The following BACH2 variants were observed in gnomAD, a reference collection of about 807,000 sequenced individuals.
BACH2 encodes BACH transcriptional regulator 2.
Under a neutral mutation model 61.8 loss-of-function variants are expected in BACH2, and 5 were observed. The ratio of observed to expected loss-of-function variants is 0.08; its 90% CI spans 0.04 to 0.17. The LOEUF (loss-of-function observed/expected upper bound fraction) is 0.17. Among genes scored for constraint, BACH2 ranks in the 10% least tolerant of loss-of-function variants. The pLI, the probability that BACH2 is intolerant of heterozygous loss-of-function variation, is 1.00. For synonymous variants in BACH2, 446 were observed against 440.1 expected (o/e 1.01, Z -0.17); for missense variants, 824 against 1,091.1 (o/e 0.76, Z 3.45).
chr6:90,214,751 C>CT (rs563651580), intron 3 of BACH2, among the ~76,000 whole-genome samples: 6,712 of 94,238 alleles, frequency 0.071, 1,069 homozygotes, highest in East Asian at 0.23. Context: ...GATTCTGTTC[C>CT]TTTTTTTTTT....
chr6:90,138,136 G>A (rs889390654), intron 4 of BACH2, among the ~76,000 whole-genome samples: 1 of 151,032 alleles, frequency 6.6e-6, no homozygotes, highest in African/African-American at 2.4e-5. Context: ...ATAACCAAAG[G>A]CTCATTCTAG....
At chr6:89,981,752 T>C (rs1305659388) in intron 6 of BACH2, among the ~76,000 whole-genome samples, 1 of 152,180 alleles carries the variant, frequency 6.6e-6, no homozygotes, top group Non-Finnish European at 1.5e-5. Context: ...GCATGAGAAG[T>C]TGACACACAG....
At chr6:90,248,892 C>T (rs1462912300) in intron 3 of BACH2, among the ~76,000 whole-genome samples, 5 of 152,094 alleles carry the variant, frequency 3.3e-5, no homozygotes, top group Admixed American at 6.5e-5. Context: ...GACCATGAAA[C>T]GGTCTTTTAT....
chr6:90,251,502 TTA>T (rs1770809868), intron 3 of BACH2, among the ~76,000 whole-genome samples: 1 of 98,628 alleles, frequency 1.0e-5, no homozygotes, highest in Non-Finnish European at 3.0e-5. Context: ...CTGAAAACCA[TTA>T]GTTTAGCACA....
At chr6:90,028,772 G>A (rs1358231607) in intron 5 of BACH2, among the ~76,000 whole-genome samples, 1 of 152,200 alleles carries the variant, frequency 6.6e-6, no homozygotes, top group African/African-American at 2.4e-5. Context: ...TGGAGGCTCT[G>A]GTGCCAGCCT....
intron 4 of BACH2, among the ~76,000 whole-genome samples, chr6:90,137,264 T>C (rs1223190431): frequency 6.6e-6 from 1 of 152,174 alleles, no homozygotes; most frequent in East Asian, 1.9e-4. Flanking sequence ...ACAAGAGCAG[T>C]TCTGCCTAAA....
intron 5 of BACH2, among the ~76,000 whole-genome samples, chr6:90,081,105 TG>T (rs1255609261): frequency 1.3e-5 from 2 of 152,176 alleles, no homozygotes; most frequent in Admixed American, 6.5e-5. Flanking sequence ...TAGTTTTCAC[TG>T]GTTTAGGTTA....
Position 89,932,634 on chromosome 6 carries a change from G to A in BACH2, c.2300C>T (p.Pro767Leu), listed in dbSNP as rs1298620832. 1.2e-6 allele frequency: 2 copies of A among 1,614,088 alleles called. No individual in the cohort carries two copies. The highest frequency in any genetic ancestry group is 1.7e-6 in the Non-Finnish European group (2 of 1,180,000). Residue 767 changes from proline to leucine, a missense_variant, in exon 9 of 9, where the codon CCC (proline) becomes CTC (leucine). Pro to Leu is a moderately conservative substitution (Grantham distance 98). Around this residue, in one of 8 missense-constraint regions of BACH2, gnomAD observed 135 missense variants for 142.7 expected, o/e 0.95. Coordinates refer to ENST00000257749, the MANE Select transcript of BACH2 (RefSeq NM_021813.4). ...ASQCAVGENV[P>L]CCLEPGAAPP... is the part of the protein sequence containing the mutation. ...AGCCGCGCCTGGCTCCAAGCAGCAG[G>A]GCACGTTTTCCCCCACTGCGCATTG... is the stretch of plus-strand genomic sequence containing the variant.
intron 4 of BACH2, among the ~76,000 whole-genome samples, chr6:90,141,988 G>A (rs539728103): frequency 6.6e-6 from 1 of 152,316 alleles, no homozygotes; most frequent in Non-Finnish European, 1.5e-5. Context: ...GCTGAGGTAC[G>A]AGAATCACTT....
intron 1 of BACH2, among the ~76,000 whole-genome samples, chr6:90,272,466 T>C (rs1771556500): frequency 6.6e-6 from 1 of 152,104 alleles, no homozygotes; most frequent in Non-Finnish European, 1.5e-5. Context: ...TTCCCTCCCT[T>C]GAACTCCTCT....
Position 89,938,316 on chromosome 6 carries a change from T to C in BACH2, c.1871A>G (p.Asp624Gly). The part of the protein sequence containing the change: ...KLPFPVDQIT[D>G]LPRNDFQMMI... Reference sequence around the variant, plus strand: ...CATCTGGAAATCGTTCCTTGGAAGATCTGTGATTTGATCTACAGGAAAAGG... The same window carrying C: ...CATCTGGAAATCGTTCCTTGGAAGACCTGTGATTTGATCTACAGGAAAAGG... Residue 624 changes from aspartate to glycine, a missense_variant, in exon 8 of 9, where the codon GAT becomes GGT. Physicochemically the swap from Asp to Gly is moderately conservative, Grantham distance 94 (BLOSUM62 -1). This residue lies in a region of BACH2 where 160 missense variants were observed against 283.5 expected (regional missense o/e 0.56). Coordinates refer to ENST00000257749, the MANE Select transcript of BACH2 (RefSeq NM_021813.4). The C allele has an allele frequency of 6.2e-7, 1 of 1,614,192 alleles. No individual in the cohort carries two copies. Among genetic ancestry groups the C allele is most frequent in the South Asian group, 1.1e-5 (1 of 91,086 alleles).
At chr6:90,050,458 A>T (rs1423978223) in intron 5 of BACH2, among the ~76,000 whole-genome samples, 1 of 152,190 alleles carries the variant, frequency 6.6e-6, no homozygotes, top group Non-Finnish European at 1.5e-5. Context: ...TGTGAGGCTG[A>T]ATTTTTTCAT....
At chr6:90,237,838 C>T (rs569571340) in intron 3 of BACH2, among the ~76,000 whole-genome samples, 47 of 152,168 alleles carry the variant, frequency 3.1e-4, no homozygotes, top group Non-Finnish European at 6.2e-4. Context: ...TCAAGGTGGA[C>T]AGACACTCAA....
chr6:90,224,703 C>T (rs1415304818), intron 3 of BACH2, among the ~76,000 whole-genome samples: 1 of 152,130 alleles, frequency 6.6e-6, no homozygotes, highest in Non-Finnish European at 1.5e-5. Context: ...TGCAGAGCCT[C>T]TGAAGTATCT....
At chr6:90,004,748 G>A (rs1777317346) in intron 6 of BACH2, among the ~76,000 whole-genome samples, 1 of 152,188 alleles carries the variant, frequency 6.6e-6, no homozygotes, top group Admixed American at 6.5e-5. Flanking sequence ...ATACTAATGA[G>A]CAGTGGAAGA....
At chr6:90,043,703 C>T (rs1244383618) in intron 5 of BACH2, among the ~76,000 whole-genome samples, 1 of 152,216 alleles carries the variant, frequency 6.6e-6, no homozygotes, top group Non-Finnish European at 1.5e-5. Flanking sequence ...TCCGTTTCCA[C>T]CCAAAGTGTC....
chr6:89,937,948 C>T (rs1335076958), intron 8 of BACH2, among the ~76,000 whole-genome samples, 196 bp downstream of exon 8: 6 of 151,656 alleles, frequency 4.0e-5, no homozygotes, highest in African/African-American at 7.2e-5. Flanking sequence ...CATGCATGCG[C>T]GTGCAGACAC....
intron 6 of BACH2, chr6:89,953,154 C>T (rs1353548435): frequency 1.3e-5 from 2 of 152,216 alleles, no homozygotes; most frequent in Non-Finnish European, 2.9e-5. Flanking sequence ...CTCACCGCAG[C>T]ATACAGAGCC....
intron 3 of BACH2, among the ~76,000 whole-genome samples, chr6:90,216,266 TAAC>T (rs1026024939): frequency 1.2e-4 from 19 of 152,296 alleles, no homozygotes; most frequent in African/African-American, 4.6e-4. Flanking sequence ...CATTCCTTAT[TAAC>T]GAGAGTTTCA....
Sources: allele counts gnomAD v4.1 joint callset (sites outside exome capture counted in the v4.1 genomes callset), GRCh38; gene constraint gnomAD v4.1.1; regional missense constraint gnomAD v4.1.1; transcripts MANE v1.5; gene names NCBI Gene and HGNC (gene_info 2026-07-23, HGNC 2026-07-21).